AOPEP: variants seen among roughly 807,000 people sequenced by gnomAD.
AOPEP encodes aminopeptidase O.
A neutral mutation model predicts 98.1 loss-of-function variants in AOPEP; 77 were observed. The observed-to-expected ratio is 0.78, with a 90% CI of 0.65 to 0.95. The LOEUF (loss-of-function observed/expected upper bound fraction) is 0.95. AOPEP is among the 40% of genes least tolerant of loss of function. The pLI, the probability that AOPEP is intolerant of heterozygous loss-of-function variation, is 0.00. For missense variants in AOPEP, 1,024 were observed against 1,024.7 expected (o/e 1.00, Z 0.01); for synonymous variants, 346 against 365.3 (o/e 0.95, Z 0.60).
downstream of AOPEP, among the ~76,000 whole-genome samples, chr9:95,089,542 C>T (rs962073585): frequency 5.3e-5 from 8 of 152,224 alleles, no homozygotes; most frequent in African/African-American, 1.9e-4. Flanking sequence ...AATGCCTCCC[C>T]AGCTGTGGGC....
intron 7 of AOPEP, among the ~76,000 whole-genome samples, chr9:94,946,249 A>C (rs1382599903): frequency 6.6e-6 from 1 of 152,230 alleles, no homozygotes; most frequent in African/African-American, 2.4e-5. Context: ...TCTTGACTCT[A>C]CTGAATGGAT....
chr9:95,046,037 A>C (rs1301447099), intron 13 of AOPEP, among the ~76,000 whole-genome samples: 1 of 152,244 alleles, frequency 6.6e-6, no homozygotes, highest in Non-Finnish European at 1.5e-5. Flanking sequence ...AAAGGAAGCT[A>C]TGGGTTCCCA....
At chr9:94,804,100 TG>T (rs765505058) in intron 5 of AOPEP, among the ~76,000 whole-genome samples, 3 of 152,206 alleles carry the variant, frequency 2.0e-5, no homozygotes, top group Non-Finnish European at 4.4e-5. Flanking sequence ...GGGGATTGAC[TG>T]GCAAGCCTAG....
chr9:94,887,169 C>T (rs532035655), intron 5 of AOPEP, among the ~76,000 whole-genome samples: 10 of 151,708 alleles, frequency 6.6e-5, no homozygotes, highest in Non-Finnish European at 1.5e-4. Context: ...AGTGAGACCC[C>T]CCCCGTCTCT....
intron 2 of AOPEP, among the ~76,000 whole-genome samples, chr9:94,772,207 G>A (rs1024582105): frequency 2.3e-4 from 35 of 152,296 alleles, no homozygotes; most frequent in African/African-American, 8.4e-4. Context: ...TTTATGAGGA[G>A]TCAGTCTTGT....
At chr9:95,011,520 T>A (rs1446105058) in intron 13 of AOPEP, among the ~76,000 whole-genome samples, 1 of 152,108 alleles carries the variant, frequency 6.6e-6, no homozygotes, top group African/African-American at 2.4e-5. Context: ...TTTTTAAGAC[T>A]GCCGTTTTGC....
chr9:94,956,010 T>C lies in AOPEP; in HGVS notation c.1867T>C (p.Ser623Pro). Residue 623 changes from serine to proline, a missense_variant, in exon 9 of 17, where the codon TCC (serine) becomes CCC (proline). Physicochemically the swap from Ser to Pro is moderately conservative, Grantham distance 74. Transcript: ENST00000375315. ...CACATTTCATGGACAGCTGATTCTT[T>C]CCCAGGTAACTTATGGGTCCTCATG... The part of the protein sequence containing the change: ...VHTFHGQLIL[S>P]QDFLQMLLEN... 1.2e-6 allele frequency: 2 copies of C among 1,606,898 alleles called. No homozygotes were observed. Among genetic ancestry groups the C allele is most frequent in the Middle Eastern group, 1.7e-4 (1 of 6,042 alleles).
intron 5 of AOPEP, among the ~76,000 whole-genome samples, chr9:94,888,782 A>G (rs1006276790): frequency 1.3e-5 from 2 of 152,204 alleles, no homozygotes; most frequent in African/African-American, 4.8e-5. Context: ...TAAAGGGACT[A>G]CTATCTCAGA....
intron 1 of AOPEP, among the ~76,000 whole-genome samples, chr9:94,735,586 G>A (rs1831571627): frequency 6.6e-6 from 1 of 152,134 alleles, no homozygotes; most frequent in Non-Finnish European, 1.5e-5. Context: ...GTTGTTTATT[G>A]GGCTTGTGGT....
At chr9:95,099,898 G>A in the AOPEP span, 8 of 233,166 alleles carry the variant, frequency 3.4e-5, no homozygotes, top group African/African-American at 8.8e-5. Context: ...GCAGAGGCCT[G>A]GCAGGGGAGG....
chr9:94,991,777 T>C (rs113225751), intron 11 of AOPEP, among the ~76,000 whole-genome samples: 42 of 152,314 alleles, frequency 2.8e-4, no homozygotes, highest in African/African-American at 1.0e-3. Flanking sequence ...CCACTAGATA[T>C]TTCTAAACGG....
At chr9:94,733,230 C>G (rs1021345880) in intron 1 of AOPEP, among the ~76,000 whole-genome samples, 1 of 151,818 alleles carries the variant, frequency 6.6e-6, no homozygotes, top group African/African-American at 2.4e-5. Context: ...CCTCAGCCTC[C>G]TGGGTGTCTG....
At chr9:95,109,666 T>C in the AOPEP span, 1 of 152,238 alleles carries the variant, frequency 6.6e-6, no homozygotes. Context: ...TTTGCACCCA[T>C]GTTCTTCACC....
chr9:95,109,355 C>G, the AOPEP span, among the ~76,000 whole-genome samples: 25 of 152,252 alleles, frequency 1.6e-4, no homozygotes, highest in African/African-American at 6.0e-4. Flanking sequence ...GCTGAATATT[C>G]TTATACATAA....
chr9:94,847,625 A>G (rs1042916574), intron 5 of AOPEP, among the ~76,000 whole-genome samples: 12 of 152,222 alleles, frequency 7.9e-5, no homozygotes, highest in African/African-American at 2.7e-4. Context: ...CAAGCAGCTG[A>G]TTTCCTTTAA....
intron 13 of AOPEP, among the ~76,000 whole-genome samples, chr9:95,037,603 G>A (rs2064939930): frequency 6.6e-6 from 1 of 151,940 alleles, no homozygotes. Flanking sequence ...TTTTGTTCTG[G>A]GCACAGTTTC....
At chr9:94,993,354 T>A (rs1214386089) in intron 11 of AOPEP, among the ~76,000 whole-genome samples, 1 of 152,220 alleles carries the variant, frequency 6.6e-6, no homozygotes, top group Admixed American at 6.5e-5. Flanking sequence ...AAGCCATTGT[T>A]GCCCAATGCT....
intron 5 of AOPEP, among the ~76,000 whole-genome samples, chr9:94,872,025 C>T (rs748790226): frequency 1.1e-4 from 17 of 151,764 alleles, no homozygotes; most frequent in African/African-American, 2.4e-4. Context: ...AAAAAAAAGA[C>T]GAAATTTTCC....
the AOPEP span, among the ~76,000 whole-genome samples, chr9:95,118,788 TA>T: frequency 4.6e-5 from 7 of 152,242 alleles, no homozygotes; most frequent in Admixed American, 3.9e-4. Flanking sequence ...ATTGTATGAA[TA>T]TGCCATAGTC....
Sources: gnomAD v4.1 joint callset for allele counts (sites outside exome capture counted in the v4.1 genomes callset) on GRCh38, gnomAD v4.1.1 for gene constraint, MANE v1.5 for transcripts, NCBI Gene and HGNC (gene_info 2026-07-23, HGNC 2026-07-21) for gene names.